PCMTD1: variants seen among roughly 807,000 people sequenced by gnomAD.
The protein encoded by PCMTD1 is protein-L-isoaspartate (D-aspartate) O-methyltransferase domain containing 1.
In PCMTD1, 12 loss-of-function variants were observed where a neutral mutation model predicts 37.6. The ratio of observed to expected loss-of-function variants is 0.32; its 90% CI spans 0.20 to 0.52. PCMTD1 has a LOEUF of 0.52. Ranked by LOEUF, PCMTD1 falls within the 20% of genes least tolerant of loss-of-function variation. PCMTD1 has a pLI of 0.97. For missense variants in PCMTD1, 235 were observed against 421.3 expected (o/e 0.56, Z 3.87); for synonymous variants, 117 against 135.8 (o/e 0.86, Z 0.96).
Position 51,861,009 on chromosome 8 carries a change from T to C in PCMTD1, c.143A>G (p.Asp48Gly). 6.2e-7 allele frequency: 1 copy of C among 1,614,114 alleles called. No individual in the cohort carries two copies. Among genetic ancestry groups the C allele is most frequent in the Non-Finnish European group, 8.5e-7 (1 of 1,180,006 alleles). Residue 48 changes from aspartate (D) to glycine (G), a missense_variant, in exon 2 of 6, where the codon GAC becomes GGC. This residue lies in a region of PCMTD1 where 183 missense variants were observed against 349.3 expected (regional missense o/e 0.52). Transcript: ENST00000522514. Reference sequence around the variant, plus strand: ...CCAGGCTAAGTCTTTGTAAGCATTGTCTCTGTAGCCTTCCAAATAGTAATC... The same window carrying C: ...CCAGGCTAAGTCTTTGTAAGCATTGCCTCTGTAGCCTTCCAAATAGTAATC... ...RGDYYLEGYR[D>G]NAYKDLAWKH...
At chr8:51,839,612 G>A (rs1207188715) in intron 3 of PCMTD1, 1 of 985,264 alleles carries the variant, frequency 1.0e-6, no homozygotes, top group Non-Finnish European at 1.2e-6. Context: ...TTCCCTCTTA[G>A]ACGGATAGTC....
At chr8:51,852,040 G>A (rs1335352857) in intron 2 of PCMTD1, among the ~76,000 whole-genome samples, 1 of 152,138 alleles carries the variant, frequency 6.6e-6, no homozygotes, top group Non-Finnish European at 1.5e-5. Context: ...AGTACTTGAA[G>A]ACACTTGGGA....
At chr8:51,895,015 A>T (rs1296003852) in intron 1 of PCMTD1, among the ~76,000 whole-genome samples, 4 of 152,216 alleles carry the variant, frequency 2.6e-5, no homozygotes, top group African/African-American at 9.6e-5. Flanking sequence ...AAGCTTGGGA[A>T]TGAAAATAAG....
intron 2 of PCMTD1, among the ~76,000 whole-genome samples, chr8:51,858,801 T>A (rs898530650): frequency 6.6e-6 from 1 of 152,160 alleles, no homozygotes; most frequent in Non-Finnish European, 1.5e-5. Flanking sequence ...CTGCCATATA[T>A]GTAACTAAAG....
chr8:51,856,071 C>T (rs1386862250), intron 2 of PCMTD1, among the ~76,000 whole-genome samples: 1 of 152,084 alleles, frequency 6.6e-6, no homozygotes, highest in Non-Finnish European at 1.5e-5. Context: ...TAATAAAGAA[C>T]ATTCTTTAAG....
intron 1 of PCMTD1, among the ~76,000 whole-genome samples, chr8:51,877,038 T>G (rs982786885): frequency 1.2e-4 from 19 of 152,200 alleles, no homozygotes; most frequent in African/African-American, 4.6e-4. Flanking sequence ...CCATCTGAAG[T>G]AGTCAAAACT....
chr8:51,875,294 A>G (rs1563357833), intron 1 of PCMTD1, among the ~76,000 whole-genome samples: 1 of 152,136 alleles, frequency 6.6e-6, no homozygotes, highest in Non-Finnish European at 1.5e-5. Context: ...TAAGGGATTC[A>G]CTCTCTTCAC....
At chr8:51,853,329 G>C (rs2038336168) in intron 2 of PCMTD1, among the ~76,000 whole-genome samples, 1 of 152,100 alleles carries the variant, frequency 6.6e-6, no homozygotes, top group Admixed American at 6.6e-5. Context: ...TCAACCTCTG[G>C]CTCTAACCTG....
intron 1 of PCMTD1, among the ~76,000 whole-genome samples, chr8:51,888,630 C>G (rs962294996): frequency 6.6e-6 from 1 of 152,182 alleles, no homozygotes; most frequent in Middle Eastern, 3.2e-3. Context: ...CTTTCTATGA[C>G]CTACTTAGTT....
At chr8:51,847,241 T>C (rs1240657125) in intron 2 of PCMTD1, among the ~76,000 whole-genome samples, 1 of 152,236 alleles carries the variant, frequency 6.6e-6, no homozygotes, top group Admixed American at 6.5e-5. Flanking sequence ...CTTTTCAATA[T>C]ATTAAATGTA....
Position 51,860,258 on chromosome 8 carries a change from C to T in PCMTD1, c.307+587G>A, listed in dbSNP as rs555391302. On this transcript the variant is annotated intron_variant, in intron 2 of 5. Coordinates refer to ENST00000522514, the MANE Select transcript of PCMTD1 (RefSeq NM_052937.4). ...ACACACATACTGCTTTAAACAATACCTAGCATTTAACACCCAGTAAGCTCT... is the reference window on the plus strand; with the variant it reads ...ACACACATACTGCTTTAAACAATACTTAGCATTTAACACCCAGTAAGCTCT... Among the ~76,000 whole-genome samples the T allele has an allele frequency of 6.6e-5, 10 of 152,336 alleles. 1 individual carries two copies. The South Asian group carries it at 2.1e-3, about 32-fold the overall frequency.
chr8:51,839,837 T>C (rs1252435581), intron 3 of PCMTD1, among the ~76,000 whole-genome samples: 4 of 152,132 alleles, frequency 2.6e-5, no homozygotes, highest in African/African-American at 9.7e-5. Flanking sequence ...ACCTGCCAAA[T>C]GAATCAAAAA....
At chr8:51,823,954 T>G (rs2037884581) in intron 5 of PCMTD1, among the ~76,000 whole-genome samples, 1 of 152,194 alleles carries the variant, frequency 6.6e-6, no homozygotes, top group South Asian at 2.1e-4. Context: ...ACCATATGAC[T>G]ATCTCAACAG....
rs2038559516 is a variant in PCMTD1, at chr8:51,866,654, A to T, written c.-95-5408T>A. On this transcript the variant is annotated intron_variant, in intron 1 of 5. Coordinates refer to ENST00000522514, the MANE Select transcript of PCMTD1 (RefSeq NM_052937.4). ...CAAAACAGATTAAAGATTTAAATAT[A>T]AGACCTGAAACTGTGTAACTATTAG... Among the ~76,000 whole-genome samples the T allele has an allele frequency of 1.3e-5, 2 of 152,032 alleles. 1 individual carries two copies. The highest frequency in any genetic ancestry group is 1.3e-4 in the Admixed American group (2 of 15,238).
intron 2 of PCMTD1, among the ~76,000 whole-genome samples, chr8:51,858,498 G>T (rs10435632): frequency 0.69 from 104,534 of 152,126 alleles, 42,401 homozygotes; most frequent in Non-Finnish European, 0.9. Flanking sequence ...TCCTCCTCTG[G>T]ATCCAGTTCT....
chr8:51,862,186 CAT>C (rs1217942391), intron 1 of PCMTD1, among the ~76,000 whole-genome samples: 2 of 152,194 alleles, frequency 1.3e-5, no homozygotes, highest in Non-Finnish European at 2.9e-5. Context: ...CACAGAATAA[CAT>C]ATTACTCGAA....
At position 51,820,239 on chromosome 8, in the gene PCMTD1, C is replaced by G; in HGVS notation, c.*112G>C. 2 of 759,384 alleles carry G rather than the reference C, an allele frequency of 2.6e-6. No individual in the cohort carries two copies. The highest frequency in any genetic ancestry group is 4.2e-4 in the Middle Eastern group (1 of 2,370). The allele number at this position is 759,384 out of a possible 1,614,324, so 47.0% of individuals were successfully genotyped here. A position where few individuals can be genotyped will look rare whatever the true frequency, so the allele number is the denominator to read the frequency against. ...CTGACAGAAACAAGTGATTTTTTTT[C>G]CACTATAATTTGCTCTGATGAAAGA... On this transcript the variant is annotated 3_prime_UTR_variant, in exon 6 of 6. Transcript: ENST00000522514.
intron 1 of PCMTD1, among the ~76,000 whole-genome samples, chr8:51,882,066 C>CT (rs71237259): frequency 0.69 from 104,550 of 152,090 alleles, 42,383 homozygotes; most frequent in Non-Finnish European, 0.9. Flanking sequence ...TCTTTTCAGG[C>CT]GTCATAACAA....
Position 51,850,999 on chromosome 8 carries a change from G to A in PCMTD1, c.308-5236C>T, listed in dbSNP as rs1019758546. ...AGGAAAAAGGAGGAAAGCAATCGGC[G>A]AAAGGCTAAGTAATTATTACCTAGA... On this transcript the variant is annotated intron_variant, in intron 2 of 5. Coordinates refer to ENST00000522514, the MANE Select transcript of PCMTD1 (RefSeq NM_052937.4). 5.9e-5 allele frequency among the ~76,000 whole-genome samples: 9 copies of A among 152,106 alleles called. 1 individual carries two copies. Among genetic ancestry groups the A allele is most frequent in the Admixed American group, 1.3e-4 (2 of 15,268 alleles).
Sources: gnomAD v4.1 joint callset for allele counts (sites outside exome capture counted in the v4.1 genomes callset) on GRCh38, gnomAD v4.1.1 for gene constraint, gnomAD v4.1.1 regional missense constraint, MANE v1.5 for transcripts, NCBI Gene and HGNC (gene_info 2026-07-23, HGNC 2026-07-21) for gene names.